ZNF490: variants seen among roughly 807,000 people sequenced by gnomAD.
The protein encoded by ZNF490 is zinc finger protein 490.
In ZNF490, 11 loss-of-function variants were observed where a neutral mutation model predicts 17.7. The observed-to-expected ratio is 0.62, with a 90% CI of 0.39 to 1.03. The LOEUF is 1.03. ZNF490 is among the 50% of genes least tolerant of loss of function. The probability of loss-of-function intolerance (pLI) is 0.00; values close to 1 mark genes in which losing one functional copy is unlikely to be tolerated. For missense variants in ZNF490, 542 were observed against 643.4 expected, an observed-to-expected ratio of 0.84 and a Z score of 1.71; for synonymous variants, 222 against 216.1, an observed-to-expected ratio of 1.03 and a Z score of -0.24.
intron 3 of ZNF490, 111 bp downstream of exon 3, chr19:12,583,319 G>T (rs531930565): frequency 3.9e-6 from 5 of 1,284,496 alleles, no homozygotes; most frequent in Non-Finnish European, 5.2e-6. Flanking sequence ...GATTACAGGC[G>T]CGAGCCACCG....
chr19:12,591,578 C>T (rs1045471237), intron 2 of ZNF490, among the ~76,000 whole-genome samples: 1 of 151,956 alleles, frequency 6.6e-6, no homozygotes, highest in Non-Finnish European at 1.5e-5. Context: ...AAGATATGAA[C>T]ATACACATCA....
chr19:12,588,227 G>A (rs1394188914), intron 2 of ZNF490, among the ~76,000 whole-genome samples: 1 of 152,000 alleles, frequency 6.6e-6, no homozygotes, highest in African/African-American at 2.4e-5. Context: ...GCAAACTCCC[G>A]ACCTCGTGAT....
chr19:12,608,465 T>G (rs146284188), intron 2 of ZNF490, among the ~76,000 whole-genome samples: 8 of 28,646 alleles, frequency 2.8e-4, no homozygotes, highest in South Asian at 1.2e-3. Flanking sequence ...ATGTATTTAT[T>G]TATTTATTTA....
chr19:12,589,977 C>G (rs751489223), intron 2 of ZNF490, among the ~76,000 whole-genome samples: 1 of 152,020 alleles, frequency 6.6e-6, no homozygotes, highest in African/African-American at 2.4e-5. Flanking sequence ...TGCACTGGCA[C>G]GATCTCGGCT....
chr19:12,591,849 C>T (rs1338076966), intron 2 of ZNF490, among the ~76,000 whole-genome samples: 2 of 150,510 alleles, frequency 1.3e-5, no homozygotes, highest in Non-Finnish European at 3.0e-5. Context: ...AAAAAAAACA[C>T]ACTCTTAAAT....
chr19:12,585,771 C>T (rs2022802605), intron 2 of ZNF490, among the ~76,000 whole-genome samples: 1 of 93,304 alleles, frequency 1.1e-5, no homozygotes, highest in South Asian at 2.9e-4. Context: ...CTCACTACAA[C>T]CCCTGCCTCC....
intron 2 of ZNF490, among the ~76,000 whole-genome samples, chr19:12,593,726 C>T (rs2145153040): frequency 6.6e-6 from 1 of 152,244 alleles, no homozygotes; most frequent in East Asian, 1.9e-4. Context: ...TAAAAAGCAG[C>T]AGCTCCAACA....
intron 3 of ZNF490, 101 bp from the exon 4 acceptor site, chr19:12,583,011 G>T: frequency 3.2e-6 from 3 of 930,630 alleles, no homozygotes; most frequent in Admixed American, 2.5e-5. Context: ...CTATGACACT[G>T]TCTGATCTAC....
intron 2 of ZNF490, among the ~76,000 whole-genome samples, chr19:12,607,025 C>T (rs1043108107): frequency 1.2e-4 from 19 of 152,138 alleles, no homozygotes; most frequent in Non-Finnish European, 2.6e-4. Context: ...AAAGTCTTGT[C>T]TAAACTCATA....
chr19:12,606,230 T>A (rs543975637), intron 2 of ZNF490, among the ~76,000 whole-genome samples: 1 of 151,806 alleles, frequency 6.6e-6, no homozygotes, highest in African/African-American at 2.4e-5. Flanking sequence ...ACTCACTCTA[T>A]TGCCCAAGCT....
chr19:12,607,193 ATT>A (rs760914971), intron 2 of ZNF490, among the ~76,000 whole-genome samples: 2 of 143,860 alleles, frequency 1.4e-5, no homozygotes, highest in Admixed American at 7.0e-5. Context: ...AAAAATTTAA[ATT>A]TTTTTTTTTT....
chr19:12,595,228 G>A (rs1196169308), intron 2 of ZNF490, among the ~76,000 whole-genome samples: 16 of 148,736 alleles, frequency 1.1e-4, no homozygotes, highest in Admixed American at 4.0e-4. Flanking sequence ...CACAACCTCC[G>A]CCTCCCGGGT....
chr19:12,579,062 G>A lies in ZNF490; in HGVS notation c.*1423C>T. ...AGGTCAGGAGATCAAGACTATCCTG[G>A]CTAACACGGTGAAACCCCGTCTCCA... On this transcript the variant is annotated 3_prime_UTR_variant, in exon 5 of 5. Coordinates refer to ENST00000311437, the MANE Select transcript of ZNF490 (RefSeq NM_020714.3). 2.3e-6 allele frequency: 1 copy of A among 435,046 alleles called. No homozygotes were observed. Among genetic ancestry groups the A allele is most frequent in the Non-Finnish European group, 3.1e-6 (1 of 327,138 alleles). 26.9% of individuals were successfully genotyped at this position (435,046 alleles called of 1,614,324 possible). A position where few individuals can be genotyped will look rare whatever the true frequency, so the allele number is the denominator to read the frequency against.
chr19:12,594,592 A>T (rs1000685868), intron 2 of ZNF490, among the ~76,000 whole-genome samples: 1 of 152,192 alleles, frequency 6.6e-6, no homozygotes, highest in Non-Finnish European at 1.5e-5. Context: ...TATCCGGGCA[A>T]TGATGACCAA....
intron 2 of ZNF490, among the ~76,000 whole-genome samples, chr19:12,592,227 T>A (rs1051669748): frequency 6.6e-6 from 1 of 151,864 alleles, no homozygotes; most frequent in African/African-American, 2.4e-5. Context: ...TCTCAGCTAC[T>A]CGGGAGGCTG....
chr19:12,596,310 A>G (rs2145156044), intron 2 of ZNF490, among the ~76,000 whole-genome samples: 1 of 152,048 alleles, frequency 6.6e-6, no homozygotes, highest in South Asian at 2.1e-4. Flanking sequence ...CAAGGGAAAG[A>G]AACGCAAATG....
At chr19:12,584,753 C>G (rs2022794611) in intron 2 of ZNF490, among the ~76,000 whole-genome samples, 1 of 93,922 alleles carries the variant, frequency 1.1e-5, no homozygotes, top group Non-Finnish European at 2.9e-5. Context: ...CTGTGAAAAG[C>G]CAGAAGTCAC....
At chr19:12,596,436 T>G (rs942842303) in intron 2 of ZNF490, among the ~76,000 whole-genome samples, 2 of 152,036 alleles carry the variant, frequency 1.3e-5, no homozygotes, top group Non-Finnish European at 2.9e-5. Flanking sequence ...TACCAACATT[T>G]TGGGAGGCCA....
At chr19:12,583,282 GC>G (rs2022763522) in intron 3 of ZNF490, 147 bp downstream of exon 3, 3 of 822,556 alleles carry the variant, frequency 3.6e-6, no homozygotes, top group African/African-American at 1.8e-5. Context: ...CTCTTAATCC[GC>G]CCGCCTCAGC....
Sources: allele counts gnomAD v4.1 joint callset (sites outside exome capture counted in the v4.1 genomes callset), GRCh38; gene constraint gnomAD v4.1.1; transcripts MANE v1.5; gene names NCBI Gene and HGNC (gene_info 2026-07-23, HGNC 2026-07-21).